TBC1D14: variants seen among roughly 807,000 people sequenced by gnomAD.
The protein encoded by TBC1D14 is TBC1 domain family, member 14.
A neutral mutation model predicts 79.0 loss-of-function variants in TBC1D14; 26 were observed. That is an observed-to-expected ratio of 0.33 (90% confidence interval 0.24 to 0.46). TBC1D14 has a LOEUF of 0.46. Among genes scored for constraint, TBC1D14 ranks in the 20% least tolerant of loss-of-function variants. The pLI is 1.00. For missense variants in TBC1D14, 769 were observed against 887.6 expected (o/e 0.87, Z 1.70); for synonymous variants, 394 against 349.9 (o/e 1.13, Z -1.40).
chr4:6,914,800 G>A (rs1311135217), intron 1 of TBC1D14, among the ~76,000 whole-genome samples: 2 of 152,196 alleles, frequency 1.3e-5, no homozygotes, highest in African/African-American at 4.8e-5. Flanking sequence ...AGCACTTTGG[G>A]AGGCTGAGGC....
At chr4:7,013,898 C>G (rs539132099) in intron 11 of TBC1D14, among the ~76,000 whole-genome samples, 2 of 152,322 alleles carry the variant, frequency 1.3e-5, no homozygotes, top group African/African-American at 4.8e-5. Flanking sequence ...CGCCCGCCAC[C>G]ACGCCTGGCT....
chr4:6,927,401 CCTCT>C (rs1276234515), intron 2 of TBC1D14, among the ~76,000 whole-genome samples: 2 of 152,140 alleles, frequency 1.3e-5, no homozygotes, highest in Admixed American at 1.3e-4. Flanking sequence ...GGGCAAGTTA[CCTCT>C]CTGAGCCTTA....
At chr4:7,025,974 CTTGTTGAT>C (rs1156818930) in intron 13 of TBC1D14, among the ~76,000 whole-genome samples, 1 of 152,112 alleles carries the variant, frequency 6.6e-6, no homozygotes, top group African/African-American at 2.4e-5. Flanking sequence ...GTTTGAAGTC[CTTGTTGAT>C]TGACGTCTAT....
intron 3 of TBC1D14, among the ~76,000 whole-genome samples, chr4:6,978,131 C>T (rs1257074213): frequency 1.3e-5 from 2 of 150,136 alleles, no homozygotes; most frequent in Non-Finnish European, 1.5e-5. Context: ...GGGTCAGCCC[C>T]CCGCCCGGCT....
chr4:6,962,219 G>T (rs780164177), intron 2 of TBC1D14, among the ~76,000 whole-genome samples: 1 of 152,154 alleles, frequency 6.6e-6, no homozygotes, highest in Admixed American at 6.5e-5. Context: ...GGATGGTGGC[G>T]GGAGAGGCAC....
intron 13 of TBC1D14, among the ~76,000 whole-genome samples, chr4:7,028,093 C>A (rs1722643528): frequency 6.7e-6 from 1 of 148,908 alleles, no homozygotes; most frequent in African/African-American, 2.5e-5. Context: ...CCCCCACATA[C>A]ACCTATCACA....
At chr4:6,980,688 A>T (rs1717291472) in intron 3 of TBC1D14, among the ~76,000 whole-genome samples, 3 of 152,202 alleles carry the variant, frequency 2.0e-5, no homozygotes, top group Admixed American at 1.3e-4. Flanking sequence ...ACTCCACAAA[A>T]ATAAGACAAT....
At chr4:6,943,901 ATTGT>A (rs889408682) in intron 2 of TBC1D14, among the ~76,000 whole-genome samples, 5 of 152,054 alleles carry the variant, frequency 3.3e-5, no homozygotes, top group African/African-American at 1.2e-4. Flanking sequence ...AAATTCTATG[ATTGT>A]TCTGGGTCTT....
At chr4:7,029,942 G>T (rs1014618264) in intron 13 of TBC1D14, among the ~76,000 whole-genome samples, 1 of 152,218 alleles carries the variant, frequency 6.6e-6, no homozygotes. Flanking sequence ...CTTCTCAGGT[G>T]GCAGGCTTCC....
chr4:7,019,982 G>A (rs1482230088), intron 12 of TBC1D14, among the ~76,000 whole-genome samples: 1 of 135,822 alleles, frequency 7.4e-6, no homozygotes, highest in African/African-American at 2.6e-5. Context: ...CTCAGGTCAG[G>A]GAGGACTCTG....
chr4:6,996,474 C>T (rs1577141912), intron 5 of TBC1D14, 67 bp downstream of exon 5: 1 of 1,243,484 alleles, frequency 8.0e-7, no homozygotes, highest in East Asian at 2.4e-5. Context: ...TGGTTATTTT[C>T]TTTTTACCAT....
At chr4:6,956,268 T>A (rs1427137525) in intron 2 of TBC1D14, among the ~76,000 whole-genome samples, 1 of 152,192 alleles carries the variant, frequency 6.6e-6, no homozygotes, top group African/African-American at 2.4e-5. Flanking sequence ...GCAGGTGTGC[T>A]GGAGTGTGGC....
rs1721558467 is a variant in TBC1D14, at chr4:7,019,062, A to G, written c.1757+4505A>G. Among the ~76,000 whole-genome samples the G allele has an allele frequency of 2.0e-5, 3 of 151,862 alleles. No individual in the cohort carries two copies. The South Asian group carries it at 6.2e-4, about 32-fold the overall frequency. On this transcript the variant is annotated intron_variant, in intron 12 of 13. Coordinates refer to ENST00000409757, the MANE Select transcript of TBC1D14 (RefSeq NM_020773.3). The stretch of plus-strand genomic sequence containing the variant: ...TGTTGAGATGGAGTCTCGCACTTTC[A>G]CCCAGGCTTGAGTGCAGTGGTGGAT...
intron 9 of TBC1D14, among the ~76,000 whole-genome samples, chr4:7,009,471 A>AGG (rs1340732239): frequency 6.6e-6 from 1 of 152,198 alleles, no homozygotes; most frequent in Non-Finnish European, 1.5e-5. Flanking sequence ...AGAGGCAGAA[A>AGG]GGATAGTCAG....
intron 12 of TBC1D14, among the ~76,000 whole-genome samples, 164 bp from the exon 13 acceptor site, chr4:7,024,840 A>G (rs369794072): frequency 6.6e-6 from 1 of 152,164 alleles, no homozygotes; most frequent in South Asian, 2.1e-4. Context: ...GTCCTGAGCG[A>G]TGTTAGAATT....
chr4:6,911,418 A>T (rs937434272), intron 1 of TBC1D14, among the ~76,000 whole-genome samples: 1 of 152,250 alleles, frequency 6.6e-6, no homozygotes, highest in Admixed American at 6.5e-5. Flanking sequence ...CTACTGGGCC[A>T]GGCTCTGCTC....
intron 3 of TBC1D14, among the ~76,000 whole-genome samples, chr4:6,976,847 C>G (rs988666054): frequency 6.6e-6 from 1 of 151,912 alleles, no homozygotes; most frequent in African/African-American, 2.4e-5. Context: ...GTAGAAAGAG[C>G]AATAAACAAT....
At chr4:7,025,327 C>A in intron 13 of TBC1D14, 65 bp downstream of exon 13, 3 of 1,594,350 alleles carry the variant, frequency 1.9e-6, no homozygotes, top group Non-Finnish European at 2.6e-6. Context: ...CTCAGGAAGG[C>A]CCCTACGTAA....
rs370299432 is a variant in TBC1D14 at position 6,996,331 on chromosome 4, C to T, written c.969C>T (p.Leu323=). The change falls in exon 5 of 14, where the codon CTC becomes CTT. Residue 323 remains leucine (L), a synonymous_variant. Coordinates refer to ENST00000409757, the MANE Select transcript of TBC1D14 (RefSeq NM_020773.3). ...TCATTTCTTTCCTGTCAAGAAATCTCCCAGCAAAACCAGCTGAAGAAGCTC... is the reference window on the plus strand; with the variant it reads ...TCATTTCTTTCCTGTCAAGAAATCTTCCAGCAAAACCAGCTGAAGAAGCTC... ...ALILEDRPAN[L]PAKPAEEAQK... is the part of the protein sequence containing the mutation. The T allele has an allele frequency of 3.1e-6, 5 of 1,613,308 alleles. No homozygotes were observed. The highest frequency in any genetic ancestry group is 4.2e-6 in the Non-Finnish European group (5 of 1,179,602).
Sources: allele counts gnomAD v4.1 joint callset (sites outside exome capture counted in the v4.1 genomes callset), GRCh38; gene constraint gnomAD v4.1.1; transcripts MANE v1.5; gene names NCBI Gene and HGNC (gene_info 2026-07-23, HGNC 2026-07-21).